The following STRN3 variants were observed in gnomAD, a reference collection of about 807,000 sequenced individuals.
STRN3 encodes the protein striatin 3.
STRN3 carries 29 observed loss-of-function variants against 95.6 expected under a neutral mutation model. The observed-to-expected ratio is 0.30, with a 90% CI of 0.23 to 0.41. STRN3 has a LOEUF of 0.41. STRN3 is among the 10% of genes least tolerant of loss of function. The pLI, the probability that STRN3 is intolerant of heterozygous loss-of-function variation, is 1.00. For missense variants in STRN3, 890 were observed against 972.1 expected, an observed-to-expected ratio of 0.92 and a Z score of 1.12; for synonymous variants, 331 against 357.6, an observed-to-expected ratio of 0.93 and a Z score of 0.84.
chr14:31,010,375 C>T (rs371489086), intron 1 of STRN3, among the ~76,000 whole-genome samples: 44 of 104,792 alleles, frequency 4.2e-4, no homozygotes, highest in African/African-American at 1.6e-3. Flanking sequence ...TGCTATCCCT[C>T]CCCCCTCCCC....
At chr14:30,972,520 T>A (rs1369469419) in intron 1 of STRN3, among the ~76,000 whole-genome samples, 4 of 152,248 alleles carry the variant, frequency 2.6e-5, no homozygotes, top group African/African-American at 7.2e-5. Context: ...AAGAAAATTT[T>A]ATATTCGAGT....
At chr14:31,025,633 C>G in intron 1 of STRN3, 1 of 517,160 alleles carries the variant, frequency 1.9e-6, no homozygotes. Flanking sequence ...TCCGGAGGAG[C>G]CCCCGCAGAC....
At chr14:31,006,349 G>A (rs992909088) in intron 1 of STRN3, among the ~76,000 whole-genome samples, 1 of 151,984 alleles carries the variant, frequency 6.6e-6, no homozygotes, top group Non-Finnish European at 1.5e-5. Flanking sequence ...TTGAGCCCAG[G>A]GTAGCTCTTG....
At chr14:31,000,923 ATG>A (rs776496066) in intron 1 of STRN3, among the ~76,000 whole-genome samples, 35 of 152,132 alleles carry the variant, frequency 2.3e-4, no homozygotes, top group Non-Finnish European at 4.4e-4. Context: ...AGAAAAGGGG[ATG>A]TGTGTGCACA....
rs56316705 is a variant in STRN3, at chr14:31,012,061, G to A, written c.282+13843C>T. 3.8e-3 allele frequency among the ~76,000 whole-genome samples: 578 copies of A among 152,342 alleles called. 2 individuals are homozygous for A. Among genetic ancestry groups the A allele is most frequent in the African/African-American group, 0.013 (542 of 41,570 alleles). On this transcript the variant is annotated intron_variant, in intron 1 of 17. Transcript: ENST00000357479. ...CGCGCAACTGCGCTCCAGCATGGGC[G>A]ACGGAGCGAGACTCTGTCTCAAAAA...
In STRN3 at chr14:30,987,917, T is replaced by C. The variant is rs531756417; in HGVS notation, c.283-31675A>G. Among the ~76,000 whole-genome samples the C allele has an allele frequency of 2.0e-4, 31 of 152,214 alleles. No individual in the cohort carries two copies. In the South Asian group the frequency reaches 6.4e-3, roughly 32 times the overall value. Reference sequence around the variant, plus strand: ...CATGCCCAGCTAATTTTTGTATTTTTAGTAGAGACGGGGTTTCACCATGTT... The same window carrying C: ...CATGCCCAGCTAATTTTTGTATTTTCAGTAGAGACGGGGTTTCACCATGTT... On this transcript the variant is annotated intron_variant, in intron 1 of 17. Coordinates refer to ENST00000357479, the MANE Select transcript of STRN3 (RefSeq NM_001083893.2).
intron 1 of STRN3, among the ~76,000 whole-genome samples, chr14:31,001,607 C>G (rs549789467): frequency 2.7e-4 from 41 of 151,890 alleles, no homozygotes; most frequent in East Asian, 1.9e-4. Flanking sequence ...ATAGAAAGCA[C>G]TAAATTTATC....
chr14:30,981,740 A>C (rs1157555044), intron 1 of STRN3, among the ~76,000 whole-genome samples: 1 of 152,180 alleles, frequency 6.6e-6, no homozygotes, highest in Non-Finnish European at 1.5e-5. Context: ...ATAAACAAAA[A>C]ACTTGCTTGC....
intron 1 of STRN3, among the ~76,000 whole-genome samples, chr14:30,995,826 C>T (rs1389300822): frequency 6.6e-6 from 1 of 152,194 alleles, no homozygotes; most frequent in African/African-American, 2.4e-5. Context: ...TGTGCTGCCC[C>T]ATATCCCCTT....
intron 15 of STRN3, 62 bp downstream of exon 15, chr14:30,905,356 G>T (rs924848472): frequency 1.4e-6 from 2 of 1,403,818 alleles, no homozygotes; most frequent in Non-Finnish European, 1.9e-6. Flanking sequence ...TTAGCTAAAA[G>T]ATCACCCTCT....
intron 1 of STRN3, among the ~76,000 whole-genome samples, chr14:31,015,038 A>G (rs1212549492): frequency 6.6e-6 from 1 of 152,210 alleles, no homozygotes; most frequent in Non-Finnish European, 1.5e-5. Context: ...CATGTTGGCC[A>G]GACTGGTCTC....
chr14:30,900,916 C>G (rs193082386), intron 16 of STRN3, among the ~76,000 whole-genome samples: 6 of 152,188 alleles, frequency 3.9e-5, no homozygotes, highest in African/African-American at 1.2e-4. Context: ...CTTTTACTGA[C>G]CACTTTCTTG....
At chr14:30,911,495 G>A (rs899615368) in intron 12 of STRN3, among the ~76,000 whole-genome samples, 1 of 151,904 alleles carries the variant, frequency 6.6e-6, no homozygotes, top group Admixed American at 6.6e-5. Flanking sequence ...TAGAGACGGA[G>A]TTTCACCATG....
rs1218123661 is a variant in STRN3, at chr14:30,895,714, A to T, written c.2172T>A (p.Asp724Glu). Residue 724 changes from aspartate to glutamate, a missense_variant, in exon 17 of 18, where the codon GAT becomes GAA. This residue lies in a region of STRN3 where 357 missense variants were observed against 422.8 expected (regional missense o/e 0.84). Coordinates refer to ENST00000357479, the MANE Select transcript of STRN3 (RefSeq NM_001083893.2). Reference sequence around the variant, plus strand: ...GATCTACTGCTAGACTTGTAACAGCATCCAAGTGAGCTACCATAGAATGGA... The same window carrying T: ...GATCTACTGCTAGACTTGTAACAGCTTCCAAGTGAGCTACCATAGAATGGA... ...KMIHSMVAHL[D>E]AVTSLAVDPN... is the part of the protein sequence containing the mutation. The T allele has an allele frequency of 6.2e-7, 1 of 1,613,954 alleles. No homozygotes were observed. Among genetic ancestry groups the T allele is most frequent in the East Asian group, 2.2e-5 (1 of 44,868 alleles).
chr14:30,957,626 C>G (rs910929876), intron 1 of STRN3, among the ~76,000 whole-genome samples: 3 of 152,074 alleles, frequency 2.0e-5, no homozygotes, highest in Non-Finnish European at 4.4e-5. Flanking sequence ...TGTCATTTTT[C>G]CACTGTGAGA....
chr14:30,940,257 C>G (rs532080626), intron 5 of STRN3, among the ~76,000 whole-genome samples: 12 of 152,130 alleles, frequency 7.9e-5, no homozygotes, highest in Non-Finnish European at 1.5e-4. Flanking sequence ...CTTTGCCTCT[C>G]TTTATTAGAT....
chr14:30,984,761 G>A lies in STRN3; in HGVS notation c.283-28519C>T, dbSNP rs146669527. ...CCACTGCACTCCACTCCAGCCTGGC[G>A]ACAAAGCAAGACTCCGTCTCAGAAA... On this transcript the variant is annotated intron_variant, in intron 1 of 17. Transcript: ENST00000357479. Among the ~76,000 whole-genome samples, 516 of 151,798 alleles carry A rather than the reference G, an allele frequency of 3.4e-3. 4 individuals carry two copies. The highest frequency in any genetic ancestry group is 0.012 in the African/African-American group (478 of 41,386).
chr14:30,918,502 C>G (rs779005567), intron 9 of STRN3, among the ~76,000 whole-genome samples: 1 of 137,268 alleles, frequency 7.3e-6, no homozygotes, highest in Non-Finnish European at 1.6e-5. Context: ...GAGTGAGACT[C>G]TGTCTCAAGG....
chr14:30,929,972 A>AAAAAAAAAAAAAAAAAAAAC (rs1566441496), intron 7 of STRN3, among the ~76,000 whole-genome samples: 1 of 149,500 alleles, frequency 6.7e-6, no homozygotes, highest in African/African-American at 2.5e-5. Context: ...AAAAAAAAAA[A>AAAAAAAAAAAAAAAAAAAAC]AAAAAAACTC....
Sources: gnomAD v4.1 joint callset for allele counts (sites outside exome capture counted in the v4.1 genomes callset) on GRCh38, gnomAD v4.1.1 for gene constraint, gnomAD v4.1.1 regional missense constraint, MANE v1.5 for transcripts, NCBI Gene and HGNC (gene_info 2026-07-23, HGNC 2026-07-21) for gene names.